Variants in UXS1 observed in about 807,000 individuals in gnomAD.
UXS1 encodes UDP-glucuronate decarboxylase 1.
Under a neutral mutation model 62.6 loss-of-function variants are expected in UXS1, and 33 were observed. The ratio of observed to expected loss-of-function variants is 0.53; its 90% CI spans 0.40 to 0.70. The LOEUF is 0.70. Among genes scored for constraint, UXS1 ranks in the 30% least tolerant of loss-of-function variants. UXS1 has a pLI of 0.00. For missense variants in UXS1, 434 were observed against 556.3 expected (o/e 0.78, Z 2.21); for synonymous variants, 213 against 206.8 (o/e 1.03, Z -0.26).
chr2:106,107,328 C>A (rs1018589670), intron 10 of UXS1, among the ~76,000 whole-genome samples: 1 of 152,224 alleles, frequency 6.6e-6, no homozygotes, highest in African/African-American at 2.4e-5. Flanking sequence ...ACAAGCCAGC[C>A]GAGGCCAGTC....
chr2:106,157,747 T>A (rs1451825324), intron 5 of UXS1, among the ~76,000 whole-genome samples: 1 of 152,226 alleles, frequency 6.6e-6, no homozygotes, highest in Non-Finnish European at 1.5e-5. Flanking sequence ...ACAGATCAAA[T>A]ATCACATTAT....
intron 7 of UXS1, among the ~76,000 whole-genome samples, chr2:106,126,880 C>CA (rs1193139877): frequency 5.3e-5 from 8 of 152,150 alleles, no homozygotes; most frequent in Admixed American, 2.0e-4. Flanking sequence ...CAGGATCCCT[C>CA]ACAGGGCCCT....
At chr2:106,137,887 C>T (rs12992329) in intron 6 of UXS1, among the ~76,000 whole-genome samples, 2,738 of 152,192 alleles carry the variant, frequency 0.018, 39 homozygotes, top group Admixed American at 0.03. Flanking sequence ...CCACAGAGCC[C>T]GCTCAGGTGT....
At chr2:106,175,387 G>C (rs1267578163) in intron 1 of UXS1, among the ~76,000 whole-genome samples, 1 of 152,222 alleles carries the variant, frequency 6.6e-6, no homozygotes, top group East Asian at 1.9e-4. Flanking sequence ...TTGCAGCAAA[G>C]CTACATGGAG....
chr2:106,188,021 C>T (rs1265761108), intron 1 of UXS1, among the ~76,000 whole-genome samples: 1 of 152,238 alleles, frequency 6.6e-6, no homozygotes, highest in Non-Finnish European at 1.5e-5. Flanking sequence ...GGATTACAGG[C>T]ATGAGCCACC....
chr2:106,107,950 G>A (rs990749858), intron 10 of UXS1, among the ~76,000 whole-genome samples: 1 of 152,220 alleles, frequency 6.6e-6, no homozygotes, highest in East Asian at 1.9e-4. Context: ...AGTACAAGAG[G>A]AGGCTGTTCT....
At chr2:106,127,878 T>C (rs941021963) in intron 7 of UXS1, among the ~76,000 whole-genome samples, 1 of 152,212 alleles carries the variant, frequency 6.6e-6, no homozygotes, top group Non-Finnish European at 1.5e-5. Context: ...CGAGTCATTT[T>C]TGCCTTTAAC....
chr2:106,169,851 CT>C (rs1683434689), intron 1 of UXS1, among the ~76,000 whole-genome samples: 1 of 152,144 alleles, frequency 6.6e-6, no homozygotes, highest in Non-Finnish European at 1.5e-5. Context: ...TTAATCATCT[CT>C]TCCTGGGGAA....
At chr2:106,179,966 G>T (rs143313853) in intron 1 of UXS1, among the ~76,000 whole-genome samples, 1 of 152,032 alleles carries the variant, frequency 6.6e-6, no homozygotes, top group African/African-American at 2.4e-5. Context: ...AAAATTAGCC[G>T]GGCATGGTGG....
rs773102551 is a variant in UXS1 at position 106,125,663 on chromosome 2, G to A, written c.594C>T (p.Val198=). 9.0e-5 allele frequency: 142 copies of A among 1,578,114 alleles called. No individual in the cohort carries two copies. Among genetic ancestry groups the A allele is most frequent in the Non-Finnish European group, 1.2e-4 (137 of 1,161,634 alleles). ...TLNMLGLAKR[V]GARLLLASTS... ...TGGAGGCCAGGAGCAGACGGGCACC[G>A]ACTCGTTTTGCCAGCCCTACAGAAA... is the stretch of plus-strand genomic sequence containing the variant. Residue 198 remains valine (V), a synonymous_variant, in exon 8 of 15, where the codon GTC becomes GTT. Coordinates refer to ENST00000283148, the MANE Select transcript of UXS1 (RefSeq NM_001253875.2).
chr2:106,187,529 C>A (rs1684637691), intron 1 of UXS1, among the ~76,000 whole-genome samples: 1 of 152,130 alleles, frequency 6.6e-6, no homozygotes, highest in African/African-American at 2.4e-5. Flanking sequence ...AAGTCCCAAC[C>A]TCAGGGAAGT....
chr2:106,167,584 T>C (rs547939300), intron 1 of UXS1, among the ~76,000 whole-genome samples: 20 of 152,120 alleles, frequency 1.3e-4, no homozygotes, highest in African/African-American at 4.6e-4. Context: ...CACATCTCTC[T>C]TCAAACAGAG....
At chr2:106,101,401 C>T (rs1677589647) in intron 11 of UXS1, 2 of 376,204 alleles carry the variant, frequency 5.3e-6, no homozygotes, top group African/African-American at 2.1e-5. Flanking sequence ...GCTGAGTTCG[C>T]CACTGCATTT....
At chr2:106,179,103 A>G (rs1373610109) in intron 1 of UXS1, among the ~76,000 whole-genome samples, 1 of 152,072 alleles carries the variant, frequency 6.6e-6, no homozygotes, top group East Asian at 1.9e-4. Flanking sequence ...GAGGGTGCCC[A>G]GTCTCCCTCT....
intron 5 of UXS1, among the ~76,000 whole-genome samples, chr2:106,157,349 T>C (rs758970252): frequency 1.3e-5 from 2 of 152,228 alleles, no homozygotes; most frequent in Non-Finnish European, 2.9e-5. Flanking sequence ...CTTTCATTGG[T>C]GAGTTTATAC....
chr2:106,114,027 A>G (rs1226977931), intron 9 of UXS1, among the ~76,000 whole-genome samples: 1 of 152,220 alleles, frequency 6.6e-6, no homozygotes, highest in Non-Finnish European at 1.5e-5. Context: ...AACAAGGCTT[A>G]CTTAGCACAG....
At chr2:106,141,060 T>G (rs1681058528) in intron 6 of UXS1, among the ~76,000 whole-genome samples, 1 of 152,116 alleles carries the variant, frequency 6.6e-6, no homozygotes, top group Non-Finnish European at 1.5e-5. Flanking sequence ...CAAACTGCAA[T>G]CAACCTAAAG....
chr2:106,149,798 G>A (rs1344097378), intron 5 of UXS1, among the ~76,000 whole-genome samples: 1 of 152,240 alleles, frequency 6.6e-6, no homozygotes, highest in African/African-American at 2.4e-5. Flanking sequence ...ATCTGGAGGT[G>A]CATGCTAGAA....
chr2:106,154,909 G>A (rs899291595), intron 5 of UXS1, among the ~76,000 whole-genome samples: 10 of 152,162 alleles, frequency 6.6e-5, no homozygotes, highest in African/African-American at 2.2e-4. Context: ...TTTGGCACAC[G>A]GTCCTGCAGG....
Sources: allele counts gnomAD v4.1 joint callset (sites outside exome capture counted in the v4.1 genomes callset), GRCh38; gene constraint gnomAD v4.1.1; transcripts MANE v1.5; gene names NCBI Gene and HGNC (gene_info 2026-07-23, HGNC 2026-07-21).